The following DNM2 variants were observed in gnomAD, a reference collection of about 807,000 sequenced individuals.
DNM2 encodes dynamin 2, also known as dynamin-2.
Under a neutral mutation model 99.0 loss-of-function variants are expected in DNM2, and 15 were observed. That is an observed-to-expected ratio of 0.15 (90% CI 0.10 to 0.23). The LOEUF is 0.23. Among genes scored for constraint, DNM2 ranks in the 10% least tolerant of loss-of-function variants. The pLI, the probability that DNM2 is intolerant of heterozygous loss-of-function variation, is 1.00. For synonymous variants in DNM2, 525 were observed against 481.2 expected, an observed-to-expected ratio of 1.09 and a Z score of -1.19; for missense variants, 742 against 1,189.4, an observed-to-expected ratio of 0.62 and a Z score of 5.53.
At chr19:10,758,114 T>C (rs2145845291) in intron 1 of DNM2, among the ~76,000 whole-genome samples, 1 of 152,228 alleles carries the variant, frequency 6.6e-6, no homozygotes, top group Admixed American at 6.5e-5. Flanking sequence ...GTGTACAGGG[T>C]GACTTCCTGT....
Position 10,795,215 on chromosome 19 carries a change from C to T in DNM2, c.1129-157C>T, listed in dbSNP as rs1220234438. Among the ~76,000 whole-genome samples, 1 of 152,232 alleles carries T rather than the reference C, an allele frequency of 6.6e-6. No individual in the cohort carries two copies. Among genetic ancestry groups the T allele is most frequent in the Non-Finnish European group, 1.5e-5 (1 of 68,050 alleles). On this transcript the variant is annotated intron_variant, in intron 8 of 20. Coordinates refer to ENST00000389253, the MANE Select transcript of DNM2 (RefSeq NM_001005361.3). The surrounding 1 kb of genome is among the most constrained non-coding windows in gnomAD (Gnocchi z 4.2). ...AGATTACAGGTGTGAGCCACTGTATCTGGCCAGTTTTCAATTTTTTAAATA... is the reference window on the plus strand; with the variant it reads ...AGATTACAGGTGTGAGCCACTGTATTTGGCCAGTTTTCAATTTTTTAAATA...
At chr19:10,803,820 C>A (rs2072241913) in intron 12 of DNM2, among the ~76,000 whole-genome samples, 1 of 152,174 alleles carries the variant, frequency 6.6e-6, no homozygotes, top group Non-Finnish European at 1.5e-5. Flanking sequence ...GGCCTCTGGG[C>A]CAGGACCTTG....
rs1233533526 is a variant in DNM2, at chr19:10,817,858, C to T, written c.1672-2122C>T. 5.9e-5 allele frequency among the ~76,000 whole-genome samples: 9 copies of T among 151,556 alleles called. No homozygotes were observed. The highest frequency in any genetic ancestry group is 2.6e-4 in the Admixed American group (4 of 15,228). ...GTGCGTGCCGGCAGCACCAGGAAGGCGGCCACTGATTTCTCGGCGGAATCG... is the reference window on the plus strand; with the variant it reads ...GTGCGTGCCGGCAGCACCAGGAAGGTGGCCACTGATTTCTCGGCGGAATCG... On this transcript the variant is annotated intron_variant, in intron 15 of 20. Coordinates refer to ENST00000389253, the MANE Select transcript of DNM2 (RefSeq NM_001005361.3). The surrounding 1 kb of genome is among the most constrained non-coding windows in gnomAD (Gnocchi z 4.6).
chr19:10,804,151 A>T (rs1010820334), intron 12 of DNM2, among the ~76,000 whole-genome samples: 1 of 152,068 alleles, frequency 6.6e-6, no homozygotes, highest in African/African-American at 2.4e-5. Flanking sequence ...AGACACCAGG[A>T]TGCTTCTGAT....
At chr19:10,819,518 C>A (rs2072898739) in intron 15 of DNM2, among the ~76,000 whole-genome samples, 1 of 152,204 alleles carries the variant, frequency 6.6e-6, no homozygotes, top group Non-Finnish European at 1.5e-5. Flanking sequence ...AGCCACATGT[C>A]AGCAGTGAAC....
chr19:10,803,668 G>A, intron 12 of DNM2: 1 of 986,276 alleles, frequency 1.0e-6, no homozygotes. Context: ...CTGGTGACCT[G>A]GTGGGTATTG....
rs1217784719 is a variant in DNM2, at chr19:10,795,331, C to T, written c.1129-41C>T. The T allele has an allele frequency of 1.2e-6, 2 of 1,612,330 alleles. No homozygotes were observed. The highest frequency in any genetic ancestry group is 1.1e-5 in the South Asian group (1 of 91,050). On this transcript the variant is annotated intron_variant, in intron 8 of 20. Transcript: ENST00000389253. This position sits in a 1 kb window ranked among gnomAD's most constrained non-coding sequence, Gnocchi z 4.2. ...GATGCACGCCTGCCACGGGGGCGCC[C>T]CGGGTGCCTCCATGCATGTGCTTGG...
intron 6 of DNM2, among the ~76,000 whole-genome samples, chr19:10,785,931 T>C (rs992016748): frequency 5.3e-5 from 8 of 151,986 alleles, no homozygotes; most frequent in African/African-American, 1.9e-4. Context: ...CCCAAGTAGC[T>C]GAGACTACAG....
At chr19:10,754,701 T>C (rs2070324005) in intron 1 of DNM2, among the ~76,000 whole-genome samples, 1 of 152,106 alleles carries the variant, frequency 6.6e-6, no homozygotes, top group African/African-American at 2.4e-5. Context: ...GTAATCCTCC[T>C]GCCACAGCCT....
rs548723434 is a variant in DNM2 at position 10,811,213 on chromosome 19, C to T, written c.1558-1051C>T. ...TTAGCCACCTCCGTCTTCATGGCCA[C>T]CTGGGGCTTAGCACTCACATCCAGC... On this transcript the variant is annotated intron_variant, in intron 14 of 20. Coordinates refer to ENST00000389253, the MANE Select transcript of DNM2 (RefSeq NM_001005361.3). This position sits in a 1 kb window ranked among gnomAD's most constrained non-coding sequence, Gnocchi z 5.4. The T allele has an allele frequency of 2.4e-4, 43 of 179,812 alleles. No homozygotes were observed. The South Asian group carries it at 4.6e-3, about 19-fold the overall frequency. The allele number at this position is 179,812 out of a possible 1,614,324, so 11.1% of individuals were successfully genotyped here.
At chr19:10,827,711 A>T (rs1312056398) in intron 18 of DNM2, among the ~76,000 whole-genome samples, 1 of 151,896 alleles carries the variant, frequency 6.6e-6, no homozygotes, top group Admixed American at 6.6e-5. Flanking sequence ...TCTACTAAAA[A>T]TACAAAAATT....
Position 10,831,332 on chromosome 19 carries a change from C to G in DNM2, c.*285C>G. 4.9e-6 allele frequency: 6 copies of G among 1,212,266 alleles called. No homozygotes were observed. The highest frequency in any genetic ancestry group is 6.2e-6 in the Non-Finnish European group (6 of 972,928). 75.1% of individuals were successfully genotyped at this position (1,212,266 alleles called of 1,614,324 possible). A position where few individuals can be genotyped will look rare whatever the true frequency, so the allele number is the denominator to read the frequency against. On this transcript the variant is annotated 3_prime_UTR_variant, in exon 21 of 21. Coordinates refer to ENST00000389253, the MANE Select transcript of DNM2 (RefSeq NM_001005361.3). This position sits in a 1 kb window ranked among gnomAD's most constrained non-coding sequence, Gnocchi z 4.3. ...GGGGGACCAGAACCCTTGACACCATCCTGAATGAGGGGTCCAGCCTGGGGG... is the reference window on the plus strand; with the variant it reads ...GGGGGACCAGAACCCTTGACACCATGCTGAATGAGGGGTCCAGCCTGGGGG...
intron 1 of DNM2, among the ~76,000 whole-genome samples, chr19:10,731,602 C>T (rs1187414493): frequency 2.0e-5 from 3 of 152,244 alleles, no homozygotes; most frequent in Non-Finnish European, 2.9e-5. Context: ...GATCCACCCG[C>T]CTCGGCCTCC....
intron 1 of DNM2, among the ~76,000 whole-genome samples, chr19:10,723,916 C>A (rs1263387845): frequency 1.3e-5 from 2 of 151,996 alleles, no homozygotes; most frequent in African/African-American, 4.8e-5. Flanking sequence ...ACATAGACCC[C>A]GTCTCTACAA....
chr19:10,826,454 G>A (rs2073146447), intron 18 of DNM2, among the ~76,000 whole-genome samples: 1 of 152,222 alleles, frequency 6.6e-6, no homozygotes, highest in South Asian at 2.1e-4. Flanking sequence ...CGGGTTCCCT[G>A]GAGACTCTCA....
At chr19:10,721,487 G>T (rs905712262) in intron 1 of DNM2, among the ~76,000 whole-genome samples, 2 of 152,164 alleles carry the variant, frequency 1.3e-5, no homozygotes, top group African/African-American at 4.8e-5. Flanking sequence ...GTACCTGAAA[G>T]CCAAAGTTGT....
intron 1 of DNM2, among the ~76,000 whole-genome samples, chr19:10,720,817 TG>T (rs1235829408): frequency 1.3e-5 from 2 of 152,216 alleles, no homozygotes; most frequent in African/African-American, 4.8e-5. Context: ...GTTGTTTATC[TG>T]GCTGGTTCCT....
At chr19:10,777,075 T>C (rs777814756) in intron 4 of DNM2, 43 bp from the exon 5 acceptor site, 1 of 1,605,292 alleles carries the variant, frequency 6.2e-7, no homozygotes, top group East Asian at 2.2e-5. Context: ...TGATGCTCTT[T>C]CCTGGTGGCA....
chr19:10,786,033 T>A (rs1253563393), intron 6 of DNM2, among the ~76,000 whole-genome samples: 1 of 152,114 alleles, frequency 6.6e-6, no homozygotes, highest in Non-Finnish European at 1.5e-5. Flanking sequence ...CTCTTGATCT[T>A]AAGTGATCCT....
Sources: allele counts gnomAD v4.1 joint callset (sites outside exome capture counted in the v4.1 genomes callset), GRCh38; gene constraint gnomAD v4.1.1; non-coding constraint Gnocchi (gnomAD v3.1); transcripts MANE v1.5; gene names NCBI Gene and HGNC (gene_info 2026-07-23, HGNC 2026-07-21).